Variants in LUZP2 observed in about 807,000 individuals in gnomAD.
The protein encoded by LUZP2 is leucine zipper protein 2.
A neutral mutation model predicts 51.6 loss-of-function variants in LUZP2; 52 were observed. The ratio of observed to expected loss-of-function variants is 1.01; its 90% confidence interval spans 0.81 to 1.27. The LOEUF (loss-of-function observed/expected upper bound fraction) is 1.27. Ranked by LOEUF, LUZP2 falls within the 50% of genes most tolerant of loss-of-function variation. The pLI, the probability that LUZP2 is intolerant of heterozygous loss-of-function variation, is 0.00. For missense variants in LUZP2, 436 were observed against 395.4 expected (o/e 1.10, Z -0.87); for synonymous variants, 154 against 137.3 (o/e 1.12, Z -0.85).
chr11:24,565,105 C>A (rs1472963334), intron 1 of LUZP2, among the ~76,000 whole-genome samples: 1 of 152,054 alleles, frequency 6.6e-6, no homozygotes, highest in East Asian at 1.9e-4. Context: ...CTTTAAATGA[C>A]AAGGAATTCC....
At chr11:24,888,532 G>T in intron 5 of LUZP2, among the ~76,000 whole-genome samples, 1 of 152,066 alleles carries the variant, frequency 6.6e-6, no homozygotes. Context: ...GTCATCCTCT[G>T]ACTTAAATTC....
chr11:24,987,093 C>T (rs1385802710), intron 9 of LUZP2, among the ~76,000 whole-genome samples: 1 of 151,760 alleles, frequency 6.6e-6, no homozygotes, highest in African/African-American at 2.4e-5. Flanking sequence ...AGATCAAATA[C>T]AAAAATTCAC....
intron 5 of LUZP2, among the ~76,000 whole-genome samples, chr11:24,765,623 T>TC (rs201801246): frequency 0.069 from 10,068 of 145,230 alleles, 694 homozygotes; most frequent in African/African-American, 0.18. Context: ...CTTTTTTTTC[T>TC]TTTTTCTTTT....
At chr11:24,509,568 T>C (rs1337436404) in intron 1 of LUZP2, among the ~76,000 whole-genome samples, 1 of 149,320 alleles carries the variant, frequency 6.7e-6, no homozygotes, top group Non-Finnish European at 1.5e-5. Flanking sequence ...AATATATTAC[T>C]CATAGACATC....
At chr11:24,982,492 G>A (rs924525420) in intron 8 of LUZP2, among the ~76,000 whole-genome samples, 2 of 151,834 alleles carry the variant, frequency 1.3e-5, no homozygotes, top group African/African-American at 4.8e-5. Context: ...ATTATCCTTA[G>A]AAAACTAATG....
chr11:25,011,741 A>G (rs1856990447), intron 9 of LUZP2, among the ~76,000 whole-genome samples: 1 of 152,090 alleles, frequency 6.6e-6, no homozygotes, highest in South Asian at 2.1e-4. Context: ...TATGAGGCAC[A>G]TGTGATATTT....
Position 24,970,298 on chromosome 11 carries a change from T to C in LUZP2, c.523-6293T>C, listed in dbSNP as rs185900297. On this transcript the variant is annotated intron_variant, in intron 7 of 11. Coordinates refer to ENST00000336930, the MANE Select transcript of LUZP2 (RefSeq NM_001009909.4). ...ACCTTTATATCACATTCATGCAGCA[T>C]ATTATCATATATTTTTTCCATAAAC... Among the ~76,000 whole-genome samples the C allele has an allele frequency of 1.6e-3, 244 of 152,276 alleles. 1 individual carries two copies. Among genetic ancestry groups the C allele is most frequent in the African/African-American group, 5.5e-3 (229 of 41,580 alleles).
chr11:24,549,732 T>C (rs1396847), intron 1 of LUZP2, among the ~76,000 whole-genome samples: 1 of 151,984 alleles, frequency 6.6e-6, no homozygotes, highest in African/African-American at 2.4e-5. Context: ...TATTCCATCT[T>C]TTATTGGCTA....
At chr11:25,034,154 G>T (rs960212331) in intron 9 of LUZP2, among the ~76,000 whole-genome samples, 1 of 151,938 alleles carries the variant, frequency 6.6e-6, no homozygotes, top group African/African-American at 2.4e-5. Flanking sequence ...TTGTAGTTTT[G>T]ATTTGCATTT....
At chr11:24,621,818 G>A (rs1453004798) in intron 1 of LUZP2, among the ~76,000 whole-genome samples, 1 of 152,078 alleles carries the variant, frequency 6.6e-6, no homozygotes. Context: ...TCTTGCTTAA[G>A]TCTGCAAAAA....
At chr11:24,859,282 G>A (rs1001710996) in intron 5 of LUZP2, among the ~76,000 whole-genome samples, 11 of 152,072 alleles carry the variant, frequency 7.2e-5, no homozygotes, top group Non-Finnish European at 1.3e-4. Context: ...AAGAAATTGA[G>A]CTTTTCCCGA....
At chr11:24,797,316 A>T (rs1849574123) in intron 5 of LUZP2, among the ~76,000 whole-genome samples, 3 of 152,176 alleles carry the variant, frequency 2.0e-5, no homozygotes, top group South Asian at 4.1e-4. Context: ...GGTCGTAGAA[A>T]TTCTGAAAAC....
chr11:25,054,739 A>G (rs1858625364), intron 10 of LUZP2, among the ~76,000 whole-genome samples: 2 of 151,950 alleles, frequency 1.3e-5, no homozygotes, highest in South Asian at 4.1e-4. Flanking sequence ...AGTGGTTACC[A>G]TAGTAGGTGT....
intron 4 of LUZP2, among the ~76,000 whole-genome samples, chr11:24,739,976 G>T (rs1016694565): frequency 6.6e-6 from 1 of 152,038 alleles, no homozygotes; most frequent in Non-Finnish European, 1.5e-5. Context: ...TTTAGTATCA[G>T]CTTGTCGATC....
chr11:25,050,683 A>G (rs1163729304), intron 10 of LUZP2, among the ~76,000 whole-genome samples: 2 of 152,132 alleles, frequency 1.3e-5, no homozygotes, highest in South Asian at 2.1e-4. Flanking sequence ...TGTGAATATG[A>G]GTTTTTAGAG....
chr11:24,807,704 T>G (rs1849896863), intron 5 of LUZP2, among the ~76,000 whole-genome samples: 1 of 152,076 alleles, frequency 6.6e-6, no homozygotes, highest in African/African-American at 2.4e-5. Flanking sequence ...GGCCTCTCTG[T>G]GTAGCATTCA....
chr11:24,613,120 G>C (rs912376201), intron 1 of LUZP2, among the ~76,000 whole-genome samples: 1 of 152,110 alleles, frequency 6.6e-6, no homozygotes, highest in African/African-American at 2.4e-5. Flanking sequence ...CCAAAAAACA[G>C]CTACTGGATA....
chr11:24,987,274 A>C (rs1856214354), intron 9 of LUZP2, among the ~76,000 whole-genome samples: 1 of 151,900 alleles, frequency 6.6e-6, no homozygotes, highest in African/African-American at 2.4e-5. Flanking sequence ...ACATTGTATT[A>C]TTTTTCAAGT....
intron 10 of LUZP2, among the ~76,000 whole-genome samples, chr11:25,070,862 C>G: frequency 6.8e-6 from 1 of 147,958 alleles, no homozygotes; most frequent in East Asian, 2.0e-4. Context: ...TAAGAAAAAA[C>G]TTTCCTATTG....
Sources: allele counts gnomAD v4.1 joint callset (sites outside exome capture counted in the v4.1 genomes callset), GRCh38; gene constraint gnomAD v4.1.1; transcripts MANE v1.5; gene names NCBI Gene and HGNC (gene_info 2026-07-23, HGNC 2026-07-21).